The following AFF3 variants were observed in gnomAD, a reference collection of about 807,000 sequenced individuals.
AFF3 encodes AF4/FMR2 family member 3.
Under a neutral mutation model 129.7 loss-of-function variants are expected in AFF3, and 32 were observed. The observed-to-expected ratio is 0.25, with a 90% CI of 0.19 to 0.33. The LOEUF (loss-of-function observed/expected upper bound fraction) is 0.33, where lower values mean the gene tolerates loss of function less well. Among genes scored for constraint, AFF3 ranks in the 10% least tolerant of loss-of-function variants. The pLI is 1.00. For synonymous variants in AFF3, 644 were observed against 635.4 expected (o/e 1.01, Z -0.20); for missense variants, 1,373 against 1,592.0 (o/e 0.86, Z 2.34).
intron 7 of AFF3, among the ~76,000 whole-genome samples, chr2:99,916,552 G>A (rs535643149): frequency 6.6e-6 from 1 of 152,236 alleles, no homozygotes; most frequent in South Asian, 2.1e-4. Context: ...CAAAGATGGA[G>A]AGAGGCCTAA....
chr2:99,555,427 T>C (rs1316068119), intron 22 of AFF3, among the ~76,000 whole-genome samples: 3 of 152,258 alleles, frequency 2.0e-5, no homozygotes, highest in Non-Finnish European at 4.4e-5. Context: ...TAAGTTGCTG[T>C]TGCATATTCC....
chr2:99,626,467 C>CTCT (rs764135397), intron 13 of AFF3, among the ~76,000 whole-genome samples: 3 of 57,036 alleles, frequency 5.3e-5, no homozygotes, highest in Non-Finnish European at 1.4e-4. Flanking sequence ...CTTCCTTCCT[C>CTCT]CCTCCCTCCC....
At chr2:99,685,258 A>T (rs1674943006) in intron 11 of AFF3, among the ~76,000 whole-genome samples, 1 of 152,162 alleles carries the variant, frequency 6.6e-6, no homozygotes, top group East Asian at 1.9e-4. Context: ...TTAAAAATAG[A>T]GTTGAAAATT....
At chr2:99,753,605 T>G (rs555505596) in intron 8 of AFF3, among the ~76,000 whole-genome samples, 39 of 152,286 alleles carry the variant, frequency 2.6e-4, no homozygotes, top group African/African-American at 8.9e-4. Context: ...CCTTCTTTTC[T>G]TGGGTCATTC....
intron 8 of AFF3, among the ~76,000 whole-genome samples, chr2:99,784,939 C>T (rs183730610): frequency 3.0e-4 from 46 of 152,300 alleles, no homozygotes; most frequent in African/African-American, 9.9e-4. Context: ...GTCTTTGCTA[C>T]CGTGGCTGGC....
intron 13 of AFF3, among the ~76,000 whole-genome samples, chr2:99,604,400 C>T (rs1258655990): frequency 6.6e-6 from 1 of 152,106 alleles, no homozygotes; most frequent in African/African-American, 2.4e-5. Flanking sequence ...CGTGTTCTCA[C>T]TTATAAGTGG....
At chr2:99,935,058 T>C (rs1002630443) in intron 7 of AFF3, among the ~76,000 whole-genome samples, 1 of 152,258 alleles carries the variant, frequency 6.6e-6, no homozygotes, top group Non-Finnish European at 1.5e-5. Context: ...TGTGTGTTTA[T>C]GAGCCTCTTA....
chr2:99,997,630 C>T (rs2104648335), intron 7 of AFF3, among the ~76,000 whole-genome samples: 1 of 152,288 alleles, frequency 6.6e-6, no homozygotes, highest in South Asian at 2.1e-4. Context: ...CAATGGCTCC[C>T]AATTCTCACA....
chr2:99,680,934 C>G (rs1674466171), intron 11 of AFF3, among the ~76,000 whole-genome samples: 1 of 152,222 alleles, frequency 6.6e-6, no homozygotes. Context: ...TGGCATAACA[C>G]AGTGGTTTCC....
intron 2 of AFF3, among the ~76,000 whole-genome samples, chr2:100,113,880 T>TG (rs368436924): frequency 6.7e-5 from 10 of 148,748 alleles, no homozygotes; most frequent in South Asian, 2.2e-4. Flanking sequence ...TGCCTTGAGG[T>TG]GGGGGGGTTG....
chr2:99,649,596 T>A lies in AFF3; in HGVS notation c.1184+30A>T, dbSNP rs754722643. On this transcript the variant is annotated intron_variant, in intron 13 of 24. Transcript: ENST00000672756. ...TAGGGCTCAATGTTTCATAAAGCAA[T>A]TTATAGTTCATAAAAATGACAAAAT... 10 of 1,610,670 alleles carry A rather than the reference T, an allele frequency of 6.2e-6. No homozygotes were observed. The South Asian group carries it at 8.9e-5, about 14-fold the overall frequency.
At chr2:99,660,701 T>A (rs1476348400) in intron 12 of AFF3, among the ~76,000 whole-genome samples, 1 of 152,246 alleles carries the variant, frequency 6.6e-6, no homozygotes, top group Non-Finnish European at 1.5e-5. Context: ...ATCTCTCTAC[T>A]GGAATCCTTG....
In AFF3 at chr2:100,126,293, G is replaced by A. The variant is rs568136232; in HGVS notation, c.-145+2931C>T. Among the ~76,000 whole-genome samples, 23 of 152,320 alleles carry A rather than the reference G, an allele frequency of 1.5e-4. No homozygotes were observed. The East Asian group carries it at 3.3e-3, about 22-fold the overall frequency. ...ATTGATCAGTGGCAAAGCATGTTCT[G>A]TTCGAGAAGCCAGAGGAGTGTTTAC... On this transcript the variant is annotated intron_variant, in intron 2 of 24. Coordinates refer to ENST00000672756, the MANE Select transcript of AFF3 (RefSeq NM_001386135.1).
chr2:100,082,105 C>T (rs1447321634), intron 4 of AFF3, among the ~76,000 whole-genome samples: 3 of 152,160 alleles, frequency 2.0e-5, no homozygotes, highest in Non-Finnish European at 4.4e-5. Flanking sequence ...TGCCAAATTA[C>T]ATAAGCATTT....
rs1223974265 is a variant in AFF3 at position 99,550,439 on chromosome 2, C to T, written c.*1035G>A. 2.2e-5 allele frequency: 5 copies of T among 230,396 alleles called. No individual in the cohort carries two copies. The highest frequency in any genetic ancestry group is 3.4e-5 in the Non-Finnish European group (4 of 116,392). 14.3% of individuals were successfully genotyped at this position (230,396 alleles called of 1,614,324 possible). ...GGCAAATAGCTCTCAGCCTGGTAAG[C>T]GAAGGATTCAGGCTCCTACTGAAGG... On this transcript the variant is annotated 3_prime_UTR_variant, in exon 25 of 25. Coordinates refer to ENST00000672756, the MANE Select transcript of AFF3 (RefSeq NM_001386135.1).
intron 8 of AFF3, among the ~76,000 whole-genome samples, chr2:99,836,369 A>T (rs1026119494): frequency 1.3e-3 from 204 of 152,328 alleles, no homozygotes; most frequent in African/African-American, 4.7e-3. Context: ...CAGAATAGAG[A>T]CAATATAGAT....
At chr2:99,889,668 T>A (rs1340781608) in intron 7 of AFF3, among the ~76,000 whole-genome samples, 1 of 152,170 alleles carries the variant, frequency 6.6e-6, no homozygotes, top group Non-Finnish European at 1.5e-5. Flanking sequence ...AAACTTAAGC[T>A]GTTTTTTTGA....
intron 8 of AFF3, among the ~76,000 whole-genome samples, chr2:99,802,105 T>C (rs921611745): frequency 2.6e-4 from 39 of 152,218 alleles, no homozygotes; most frequent in Non-Finnish European, 8.8e-5. Context: ...AAATGAATAA[T>C]GCATGTATGG....
At chr2:100,046,403 A>T (rs11693242) in intron 4 of AFF3, among the ~76,000 whole-genome samples, 19,225 of 152,118 alleles carry the variant, frequency 0.13, 1,583 homozygotes, top group South Asian at 0.2. Flanking sequence ...AATAGTCAAT[A>T]AGTGGTAGGT....
Sources: allele counts gnomAD v4.1 joint callset (sites outside exome capture counted in the v4.1 genomes callset), GRCh38; gene constraint gnomAD v4.1.1; transcripts MANE v1.5; gene names NCBI Gene and HGNC (gene_info 2026-07-23, HGNC 2026-07-21).